Variants in VDR observed in about 807,000 individuals in gnomAD.
VDR encodes vitamin D3 receptor.
Under a neutral mutation model 39.7 loss-of-function variants are expected in VDR, and 19 were observed. The observed-to-expected ratio is 0.48, with a 90% CI of 0.33 to 0.70. VDR has a LOEUF of 0.70. VDR is among the 30% of genes least tolerant of loss of function. The pLI, the probability that VDR is intolerant of heterozygous loss-of-function variation, is 0.02. For missense variants in VDR, 442 were observed against 570.5 expected, an observed-to-expected ratio of 0.77 and a Z score of 2.29; for synonymous variants, 242 against 215.8, an observed-to-expected ratio of 1.12 and a Z score of -1.07.
chr12:47,844,710 GCAGCCCCA>G lies in VDR; in HGVS notation c.*28_*35del, dbSNP rs762676552. The G allele has an allele frequency of 5.6e-6, 9 of 1,613,054 alleles. No individual in the cohort carries two copies. The highest frequency in any genetic ancestry group is 7.6e-6 in the Non-Finnish European group (9 of 1,179,846). ...GGGCCTGGCACGTGGCCCTGGAGGA[GCAGCCCCA>G]CCCAGGCACCGCCACAGGCTGTCCT... is the stretch of plus-strand genomic sequence containing the variant. On this transcript the variant is annotated 3_prime_UTR_variant, in exon 10 of 10. Coordinates refer to ENST00000549336, the MANE Select transcript of VDR (RefSeq NM_000376.3).
chr12:47,904,561 C>T, intron 1 of VDR: 1 of 1,532,704 alleles, frequency 6.5e-7, no homozygotes. Flanking sequence ...TAAGGTTACA[C>T]ACCCTCCACT....
chr12:47,849,444 CCTCTT>C (rs1349419745), intron 7 of VDR, among the ~76,000 whole-genome samples: 1 of 152,202 alleles, frequency 6.6e-6, no homozygotes, highest in African/African-American at 2.4e-5. Context: ...AGATTAATGA[CCTCTT>C]CTATTGAGCT....
chr12:47,900,982 GAC>G (rs1437945166), intron 1 of VDR, among the ~76,000 whole-genome samples: 1 of 152,196 alleles, frequency 6.6e-6, no homozygotes, highest in African/African-American at 2.4e-5. Context: ...GCAAAAGCAT[GAC>G]ACACATTCCA....
intron 2 of VDR, among the ~76,000 whole-genome samples, chr12:47,880,181 G>C (rs972055506): frequency 1.5e-4 from 23 of 152,182 alleles, no homozygotes; most frequent in African/African-American, 5.3e-4. Flanking sequence ...CCTAGGCAAA[G>C]GGTCCTTCTT....
chr12:47,898,171 GCT>G (rs1179622375), intron 1 of VDR, among the ~76,000 whole-genome samples: 3 of 152,076 alleles, frequency 2.0e-5, no homozygotes, highest in African/African-American at 7.2e-5. Context: ...CCAGCACAGA[GCT>G]CTCTCTGAGA....
At chr12:47,847,505 A>G (rs1945302767) in intron 7 of VDR, among the ~76,000 whole-genome samples, 1 of 152,084 alleles carries the variant, frequency 6.6e-6, no homozygotes, top group Non-Finnish European at 1.5e-5. Context: ...TTCCCATGGT[A>G]AACTCCACCA....
intron 1 of VDR, among the ~76,000 whole-genome samples, chr12:47,884,217 T>A (rs1318173489): frequency 6.6e-6 from 1 of 152,154 alleles, no homozygotes; most frequent in Non-Finnish European, 1.5e-5. Context: ...AGGTCAGAGG[T>A]GACATCCAGA....
intron 4 of VDR, among the ~76,000 whole-genome samples, chr12:47,863,470 C>T (rs12721368): frequency 2.2e-4 from 34 of 152,190 alleles, no homozygotes; most frequent in Non-Finnish European, 4.4e-4. Flanking sequence ...AACCGGACTC[C>T]CTGCTTTGCA....
chr12:47,882,965 G>A (rs969484665), intron 1 of VDR, 191 bp from the exon 2 acceptor site: 104 of 532,392 alleles, frequency 2.0e-4, no homozygotes, highest in Admixed American at 1.5e-4. Context: ...TGGCGGCTGG[G>A]CAGCAGCCAG....
intron 3 of VDR, among the ~76,000 whole-genome samples, chr12:47,875,415 C>T (rs1361351781): frequency 6.6e-6 from 1 of 152,156 alleles, no homozygotes; most frequent in East Asian, 1.9e-4. Flanking sequence ...TCTCTGTGTT[C>T]CCAAGGATGC....
rs1945510652 is a variant in VDR, at chr12:47,857,266, G to A, written c.463-17C>T. ...AACTGGAGGCTGGAAGGGAAAGATG[G>A]GGTCTCAGACCCACATTTTGGGGTT... On this transcript the variant is annotated splice_polypyrimidine_tract_variant and intron_variant, in intron 5 of 9. Coordinates refer to ENST00000549336, the MANE Select transcript of VDR (RefSeq NM_000376.3). The A allele has an allele frequency of 6.2e-7, 1 of 1,614,076 alleles. No homozygotes were observed. The highest frequency in any genetic ancestry group is 2.2e-5 in the East Asian group (1 of 44,874).
chr12:47,894,976 CA>C (rs1338155757), intron 1 of VDR, among the ~76,000 whole-genome samples: 1 of 152,226 alleles, frequency 6.6e-6, no homozygotes, highest in Non-Finnish European at 1.5e-5. Flanking sequence ...ACAACTCTTA[CA>C]GAATGCAAGG....
chr12:47,880,590 G>A (rs1592137847), intron 2 of VDR, among the ~76,000 whole-genome samples: 1 of 152,260 alleles, frequency 6.6e-6, no homozygotes, highest in East Asian at 1.9e-4. Flanking sequence ...GTTATCATCA[G>A]TCCCAAAGGG....
chr12:47,850,773 C>T (rs1945369404), intron 7 of VDR, among the ~76,000 whole-genome samples: 1 of 152,126 alleles, frequency 6.6e-6, no homozygotes, highest in Non-Finnish European at 1.5e-5. Flanking sequence ...CCTCTGTCTT[C>T]ACGCCTGCAG....
At chr12:47,882,234 C>A (rs1946164774) in intron 2 of VDR, among the ~76,000 whole-genome samples, 1 of 152,102 alleles carries the variant, frequency 6.6e-6, no homozygotes, top group African/African-American at 2.4e-5. Context: ...TGAATGAGAC[C>A]ATTTCAGGGG....
intron 7 of VDR, among the ~76,000 whole-genome samples, chr12:47,848,483 C>G (rs1945322061): frequency 1.3e-5 from 2 of 150,552 alleles, no homozygotes; most frequent in African/African-American, 4.9e-5. Context: ...ATTGTGATGC[C>G]TTGAACATTG....
intron 7 of VDR, among the ~76,000 whole-genome samples, 155 bp from the exon 8 acceptor site, chr12:47,846,963 G>C (rs758543036): frequency 8.5e-5 from 13 of 152,178 alleles, no homozygotes; most frequent in Non-Finnish European, 1.9e-4. Flanking sequence ...GAAGGGACAA[G>C]AGTGTTCCTT....
At chr12:47,853,905 A>G (rs1007773281) in intron 7 of VDR, among the ~76,000 whole-genome samples, 2 of 152,188 alleles carry the variant, frequency 1.3e-5, no homozygotes, top group Admixed American at 6.5e-5. Flanking sequence ...CTAGGTGAAA[A>G]GAGCGAAACC....
chr12:47,844,650 G>A lies in VDR; in HGVS notation c.*96C>T, dbSNP rs975847220. On this transcript the variant is annotated 3_prime_UTR_variant, in exon 10 of 10. Transcript: ENST00000549336. ...GCAGAGGAGGGGCTGAACCCCAGAC[G>A]GGGTGAGGAGGGCTGCTGAGTAGCC... 2.7e-5 allele frequency: 42 copies of A among 1,556,848 alleles called. No individual in the cohort carries two copies. Among genetic ancestry groups the A allele is most frequent in the African/African-American group, 8.1e-5 (6 of 74,002 alleles).
Sources: gnomAD v4.1 joint callset for allele counts (sites outside exome capture counted in the v4.1 genomes callset) on GRCh38, gnomAD v4.1.1 for gene constraint, MANE v1.5 for transcripts, NCBI Gene and HGNC (gene_info 2026-07-23, HGNC 2026-07-21) for gene names.